Variants in B4GALT4 observed in about 807,000 individuals in gnomAD.
B4GALT4 encodes beta-1,4-galactosyltransferase 4.
Under a neutral mutation model 37.3 loss-of-function variants are expected in B4GALT4, and 27 were observed. That is an observed-to-expected ratio of 0.72 (90% CI 0.53 to 1.00). The LOEUF is 1.00. Among genes scored for constraint, B4GALT4 ranks in the 50% least tolerant of loss-of-function variants. B4GALT4 has a pLI of 0.00. For missense variants in B4GALT4, 372 were observed against 413.1 expected (o/e 0.90, Z 0.86); for synonymous variants, 148 against 154.1 (o/e 0.96, Z 0.29).
At chr3:119,212,776 T>C (rs2078194921) in intron 7 of B4GALT4, 95 bp from the exon 8 acceptor site, 5 of 1,187,410 alleles carry the variant, frequency 4.2e-6, no homozygotes, top group Non-Finnish European at 5.7e-6. Context: ...CATATTTTTG[T>C]AAATTATTGT....
chr3:119,227,361 C>A (rs969487018), intron 3 of B4GALT4, among the ~76,000 whole-genome samples: 4 of 152,182 alleles, frequency 2.6e-5, no homozygotes, highest in Non-Finnish European at 5.9e-5. Flanking sequence ...AAGGGCAGGG[C>A]TAGACAGAGT....
intron 7 of B4GALT4, chr3:119,214,988 AAC>A: frequency 6.6e-6 from 1 of 152,304 alleles, no homozygotes; most frequent in East Asian, 1.9e-4. Flanking sequence ...GGAAGTACAC[AAC>A]ACCATAAATG....
intron 4 of B4GALT4, 142 bp from the exon 5 acceptor site, chr3:119,224,387 G>A (rs9824387): frequency 0.12 from 68,186 of 567,222 alleles, 4,832 homozygotes; most frequent in East Asian, 0.25. Context: ...ATCTGACAGA[G>A]AAGATGCAAT....
At chr3:119,229,011 T>G (rs1404258333) in intron 3 of B4GALT4, among the ~76,000 whole-genome samples, 1 of 152,166 alleles carries the variant, frequency 6.6e-6, no homozygotes, top group African/African-American at 2.4e-5. Flanking sequence ...CTGTTTAACA[T>G]AAGTTGAGAG....
chr3:119,234,336 T>C (rs937683112), intron 2 of B4GALT4, among the ~76,000 whole-genome samples: 1 of 152,102 alleles, frequency 6.6e-6, no homozygotes, highest in African/African-American at 2.4e-5. Context: ...GCCAGGCTGG[T>C]CTCAAACTCC....
At chr3:119,229,097 C>G (rs913576846) in intron 3 of B4GALT4, among the ~76,000 whole-genome samples, 1 of 152,042 alleles carries the variant, frequency 6.6e-6, no homozygotes, top group Non-Finnish European at 1.5e-5. Context: ...GAAAAACTTA[C>G]CTAGTCTCTG....
chr3:119,240,074 C>T (rs1225683694), intron 1 of B4GALT4: 1 of 151,878 alleles, frequency 6.6e-6, no homozygotes, highest in Non-Finnish European at 1.5e-5. Flanking sequence ...CATCACCAAA[C>T]GGCTGAGGAG....
At chr3:119,227,414 A>G (rs1277577755) in intron 3 of B4GALT4, among the ~76,000 whole-genome samples, 2 of 152,182 alleles carry the variant, frequency 1.3e-5, no homozygotes, top group African/African-American at 4.8e-5. Flanking sequence ...ACCAAATTCC[A>G]GGAGGAGGGG....
intron 5 of B4GALT4, among the ~76,000 whole-genome samples, chr3:119,221,782 C>T (rs187508821): frequency 1.5e-3 from 224 of 152,256 alleles, no homozygotes; most frequent in African/African-American, 5.2e-3. Flanking sequence ...CAGAGCCTCT[C>T]GATCAAAAGG....
At chr3:119,217,294 C>T (rs1313639892) in intron 6 of B4GALT4, among the ~76,000 whole-genome samples, 2 of 152,274 alleles carry the variant, frequency 1.3e-5, no homozygotes, top group South Asian at 2.1e-4. Context: ...CACGTACCCT[C>T]TGTCCAGTTC....
chr3:119,214,346 G>A (rs1345960758), intron 7 of B4GALT4: 2 of 152,146 alleles, frequency 1.3e-5, no homozygotes, highest in African/African-American at 2.4e-5. Context: ...AAAATTTAAG[G>A]GGAAAAATCA....
intron 1 of B4GALT4, among the ~76,000 whole-genome samples, chr3:119,239,862 T>TC (rs1390880243): frequency 6.6e-6 from 1 of 151,870 alleles, no homozygotes; most frequent in Non-Finnish European, 1.5e-5. Context: ...CTTCCAGCAC[T>TC]CCCCGCCTGG....
rs1192733142 is a variant in B4GALT4 at position 119,216,286 on chromosome 3, T to C, written c.856A>G (p.Met286Val). The change falls in exon 7 of 8, where the codon ATG (methionine) becomes GTG (valine). Residue 286 changes from methionine (M) to valine (V), a missense_variant. Transcript: ENST00000393765. Reference protein sequence around the residue: ...RPLPEVGKYTMVFHTRDKGNE... With the variant: ...RPLPEVGKYTVVFHTRDKGNE... ...CCTTTGTCTCTAGTGTGGAAGACCA[T>C]TGTATATTTACCCACTTCAGGCAGG... 1.2e-6 allele frequency: 2 copies of C among 1,613,968 alleles called. No individual in the cohort carries two copies. The highest frequency in any genetic ancestry group is 1.1e-5 in the South Asian group (1 of 91,032).
chr3:119,219,501 A>G (rs2078388424), intron 5 of B4GALT4, among the ~76,000 whole-genome samples: 1 of 152,280 alleles, frequency 6.6e-6, no homozygotes, highest in Non-Finnish European at 1.5e-5. Context: ...AGTAGGCAAA[A>G]GGATACAGGG....
Position 119,213,354 on chromosome 3 carries a change from T to C in B4GALT4, c.903-673A>G, listed in dbSNP as rs145775828. The C allele has an allele frequency of 7.2e-5, 11 of 152,346 alleles. No homozygotes were observed. The East Asian group carries it at 1.9e-3, about 27-fold the overall frequency. 9.4% of individuals were successfully genotyped at this position (152,346 alleles called of 1,614,324 possible). On this transcript the variant is annotated intron_variant, in intron 7 of 7. Coordinates refer to ENST00000393765, the MANE Select transcript of B4GALT4 (RefSeq NM_003778.4). ...CTGGGAAGACAAGTGGGCAGTGAAC[T>C]GAATAGGTTCTACTTGTTCAGCAGT...
At chr3:119,217,485 G>C (rs1359147159) in intron 6 of B4GALT4, among the ~76,000 whole-genome samples, 1 of 152,126 alleles carries the variant, frequency 6.6e-6, no homozygotes, top group Non-Finnish European at 1.5e-5. Context: ...GGTTCTTTAT[G>C]ATGAGGCAAC....
intron 3 of B4GALT4, among the ~76,000 whole-genome samples, chr3:119,229,250 C>G (rs1161456173): frequency 2.6e-5 from 4 of 152,108 alleles, no homozygotes; most frequent in Admixed American, 6.5e-5. Context: ...CCACTAGTTT[C>G]AGGAGGAGGA....
chr3:119,230,368 C>G (rs1175951314), intron 2 of B4GALT4, 124 bp from the exon 3 acceptor site: 3 of 453,898 alleles, frequency 6.6e-6, no homozygotes, highest in Non-Finnish European at 1.2e-5. Flanking sequence ...GTAGGTCTTC[C>G]ACTTAGCATT....
At chr3:119,232,347 T>C (rs1407094003) in intron 2 of B4GALT4, 1 of 152,254 alleles carries the variant, frequency 6.6e-6, no homozygotes, top group African/African-American at 2.4e-5. Flanking sequence ...TTTAACCATA[T>C]GATGTAAGAA....
Sources: allele counts gnomAD v4.1 joint callset (sites outside exome capture counted in the v4.1 genomes callset), GRCh38; gene constraint gnomAD v4.1.1; transcripts MANE v1.5; gene names NCBI Gene and HGNC (gene_info 2026-07-23, HGNC 2026-07-21).